Variants in LRP1B observed in about 807,000 individuals in gnomAD.
LRP1B encodes low-density lipoprotein receptor-related protein 1B.
LRP1B carries 217 observed loss-of-function variants against 556.6 expected under a neutral mutation model. The observed-to-expected ratio is 0.39, with a 90% confidence interval of 0.35 to 0.44. The LOEUF (loss-of-function observed/expected upper bound fraction) is 0.44, where lower values mean the gene tolerates loss of function less well. Among genes scored for constraint, LRP1B ranks in the 20% least tolerant of loss-of-function variants. The pLI, the probability that LRP1B is intolerant of heterozygous loss-of-function variation, is 1.00. For synonymous variants in LRP1B, 2,047 were observed against 1,865.8 expected, an observed-to-expected ratio of 1.10 and a Z score of -2.50; for missense variants, 5,053 against 5,620.8, an observed-to-expected ratio of 0.90 and a Z score of 3.23.
chr2:140,854,829 TAA>T (rs1306991580), intron 27 of LRP1B, among the ~76,000 whole-genome samples: 1 of 152,202 alleles, frequency 6.6e-6, no homozygotes, highest in East Asian at 1.9e-4. Flanking sequence ...AGCTATTTTA[TAA>T]GAGACACTAC....
chr2:141,142,563 A>C (rs2105060050), intron 7 of LRP1B, among the ~76,000 whole-genome samples: 2 of 152,342 alleles, frequency 1.3e-5, no homozygotes, highest in Middle Eastern at 6.8e-3. Context: ...ACAGAACATG[A>C]TTGAAAGCAA....
chr2:141,927,548 C>T (rs1039438979), intron 1 of LRP1B, among the ~76,000 whole-genome samples: 1 of 152,022 alleles, frequency 6.6e-6, no homozygotes, highest in African/African-American at 2.4e-5. Context: ...TAGGCATATC[C>T]TAATCAGTGC....
chr2:141,619,508 C>A (rs1688427370), intron 2 of LRP1B, among the ~76,000 whole-genome samples: 1 of 152,164 alleles, frequency 6.6e-6, no homozygotes, highest in Admixed American at 6.5e-5. Context: ...GGTGATTCTG[C>A]AATTCAATTA....
intron 83 of LRP1B, 118 bp downstream of exon 83, chr2:140,314,817 G>T: frequency 4.3e-6 from 3 of 697,838 alleles, no homozygotes; most frequent in Non-Finnish European, 4.5e-6. Context: ...TTATTATATT[G>T]TGTTAGTCTA....
At chr2:140,858,209 C>G (rs1363093864) in intron 27 of LRP1B, among the ~76,000 whole-genome samples, 1 of 151,994 alleles carries the variant, frequency 6.6e-6, no homozygotes, top group Non-Finnish European at 1.5e-5. Flanking sequence ...CCACAACTAG[C>G]AAAGAATTAT....
chr2:142,119,172 T>C (rs1215647440), intron 1 of LRP1B, among the ~76,000 whole-genome samples: 3 of 152,284 alleles, frequency 2.0e-5, no homozygotes, highest in South Asian at 4.1e-4. Context: ...ACCTAATGCA[T>C]GTTTAGTGTC....
chr2:141,383,512 C>G (rs927365829), intron 3 of LRP1B, among the ~76,000 whole-genome samples: 7 of 152,084 alleles, frequency 4.6e-5, no homozygotes, highest in Non-Finnish European at 1.0e-4. Context: ...TACAGATGCT[C>G]CTCAATTTAT....
rs187208079 is a variant in LRP1B at position 141,752,732 on chromosome 2, A to T, written c.205+57547T>A. On this transcript the variant is annotated intron_variant, in intron 2 of 90. Transcript: ENST00000389484. The stretch of plus-strand genomic sequence containing the variant: ...CGAGGTGGGTCAGCCATCAGTATTT[A>T]AAAAAATATCCAGCCTGGGCAACAT... Among the ~76,000 whole-genome samples the T allele has an allele frequency of 1.2e-3, 181 of 151,228 alleles. 1 individual carries two copies. The highest frequency in any genetic ancestry group is 0.011 in the Admixed American group (166 of 15,136).
intron 1 of LRP1B, among the ~76,000 whole-genome samples, chr2:142,047,910 C>CT (rs1704316114): frequency 6.6e-6 from 1 of 151,878 alleles, no homozygotes. Context: ...ATAAATAAAC[C>CT]TTTTTTATGC....
chr2:141,511,536 G>A (rs1426460951), intron 2 of LRP1B, among the ~76,000 whole-genome samples: 1 of 152,164 alleles, frequency 6.6e-6, no homozygotes, highest in East Asian at 1.9e-4. Flanking sequence ...GGATGCAGAA[G>A]ACTTCTTTCT....
chr2:141,048,392 T>A, intron 11 of LRP1B, among the ~76,000 whole-genome samples: 1 of 152,266 alleles, frequency 6.6e-6, no homozygotes. Flanking sequence ...ACATTGGTTT[T>A]ATTAAAATAT....
At chr2:141,034,819 A>G (rs1698483168) in intron 11 of LRP1B, among the ~76,000 whole-genome samples, 1 of 149,486 alleles carries the variant, frequency 6.7e-6, no homozygotes, top group Non-Finnish European at 1.5e-5. Context: ...GGGATCTAGA[A>G]GTAGAAACAC....
chr2:140,258,439 G>A (rs1315451041), intron 86 of LRP1B, among the ~76,000 whole-genome samples: 2 of 151,960 alleles, frequency 1.3e-5, no homozygotes, highest in African/African-American at 4.8e-5. Context: ...CTTCCCAGTC[G>A]CTATTACTGT....
At position 140,503,049 on chromosome 2, in the gene LRP1B, A is replaced by G. The variant is rs1196648081; in HGVS notation, c.8576T>C (p.Leu2859Pro). ...TCCATCACACTGCCATTGAGTATTTAGAAGACACCGCCCATCAGCACAACT... is the reference window on the plus strand; with the variant it reads ...TCCATCACACTGCCATTGAGTATTTGGAAGACACCGCCCATCAGCACAACT... ...EFSCADGRCLLNTQWQCDGDF... is the reference protein window; with the variant it reads ...EFSCADGRCLPNTQWQCDGDF... The change falls in exon 54 of 91, where the codon CTA (leucine) becomes CCA (proline). Residue 2859 changes from leucine to proline, a missense_variant. Leu to Pro is a moderately conservative substitution (Grantham distance 98). Around this residue, in one of 5 missense-constraint regions of LRP1B, gnomAD observed 3,619 missense variants for 3,931.9 expected, o/e 0.92. Coordinates refer to ENST00000389484, the MANE Select transcript of LRP1B (RefSeq NM_018557.3). 41 of 1,613,294 alleles carry G rather than the reference A, an allele frequency of 2.5e-5. No homozygotes were observed. The highest frequency in any genetic ancestry group is 3.5e-5 in the Non-Finnish European group (41 of 1,179,444).
chr2:141,779,664 T>A (rs2217964), intron 2 of LRP1B, among the ~76,000 whole-genome samples: 3 of 151,824 alleles, frequency 2.0e-5, no homozygotes, highest in Non-Finnish European at 4.4e-5. Context: ...ATGCCAATAC[T>A]ACATACTTTT....
At chr2:140,527,173 T>C (rs1042092011) in intron 47 of LRP1B, among the ~76,000 whole-genome samples, 3 of 151,960 alleles carry the variant, frequency 2.0e-5, no homozygotes, top group African/African-American at 7.2e-5. Context: ...TAACCATATG[T>C]TCCTTTCTAA....
intron 1 of LRP1B, among the ~76,000 whole-genome samples, chr2:142,064,997 C>CA (rs35796009): frequency 0.75 from 107,677 of 143,538 alleles, 39,224 homozygotes; most frequent in Non-Finnish European, 0.82. Context: ...AAAAATTAAA[C>CA]AAAATAATAA....
chr2:141,038,696 T>A (rs1698609826), intron 11 of LRP1B, among the ~76,000 whole-genome samples: 1 of 152,084 alleles, frequency 6.6e-6, no homozygotes, highest in African/African-American at 2.4e-5. Context: ...CTAACTATAT[T>A]GTATTGAGAA....
chr2:140,737,182 G>A (rs188607602), intron 35 of LRP1B, among the ~76,000 whole-genome samples: 7 of 152,060 alleles, frequency 4.6e-5, no homozygotes, highest in African/African-American at 1.7e-4. Context: ...TGAAGAAGTA[G>A]CCAAGGCCCT....
Sources: allele counts gnomAD v4.1 joint callset (sites outside exome capture counted in the v4.1 genomes callset), GRCh38; gene constraint gnomAD v4.1.1; regional missense constraint gnomAD v4.1.1; transcripts MANE v1.5; gene names NCBI Gene and HGNC (gene_info 2026-07-23, HGNC 2026-07-21).